The following MRE11 variants were observed in gnomAD, a reference collection of about 807,000 sequenced individuals.
MRE11 encodes MRE11 double strand break repair nuclease.
A neutral mutation model predicts 91.7 loss-of-function variants in MRE11; 62 were observed. That is an observed-to-expected ratio of 0.68 (90% CI 0.55 to 0.84). The LOEUF is 0.84. Among genes scored for constraint, MRE11 ranks in the 40% least tolerant of loss-of-function variants. The pLI, the probability that MRE11 is intolerant of heterozygous loss-of-function variation, is 0.00. For synonymous variants in MRE11, 273 were observed against 271.4 expected (o/e 1.01, Z -0.06); for missense variants, 796 against 852.9 (o/e 0.93, Z 0.83).
At chr11:94,452,836 A>T (rs1021143357) in intron 14 of MRE11, among the ~76,000 whole-genome samples, 56 of 152,320 alleles carry the variant, frequency 3.7e-4, no homozygotes, top group African/African-American at 1.2e-3. Flanking sequence ...GGTGAAATAT[A>T]CATAACATAA....
At position 94,476,312 on chromosome 11, in the gene MRE11, G is replaced by A. The variant is rs876658151; in HGVS notation, c.636C>T (p.Asn212=). ...ACCTGTTCTGATGAATCACAAATAA[G>A]TTAAACCAAGAGTTCTCATCTTCCT... ...RPKEDENSWF[N]LFVIHQNRSK... The change falls in exon 7 of 20, where the codon AAC becomes AAT. Residue 212 remains asparagine (N), a synonymous_variant. Coordinates refer to ENST00000323929, the MANE Select transcript of MRE11 (RefSeq NM_005591.4). 8 of 1,612,616 alleles carry A rather than the reference G, an allele frequency of 5.0e-6. No individual in the cohort carries two copies. Among genetic ancestry groups the A allele is most frequent in the Non-Finnish European group, 5.9e-6 (7 of 1,178,886 alleles).
At chr11:94,476,625 CA>C (rs1040064891) in intron 6 of MRE11, among the ~76,000 whole-genome samples, 20 of 151,744 alleles carry the variant, frequency 1.3e-4, no homozygotes, top group Non-Finnish European at 2.8e-4. Context: ...AGGCTGGTCT[CA>C]AACTCCTGGG....
chr11:94,452,704 T>A (rs890261028), intron 14 of MRE11, among the ~76,000 whole-genome samples: 5 of 152,210 alleles, frequency 3.3e-5, no homozygotes. Flanking sequence ...ATCTTTGGAA[T>A]GTATTACTTC....
the MRE11 span, among the ~76,000 whole-genome samples, chr11:94,505,230 G>T: frequency 4.6e-5 from 7 of 152,140 alleles, no homozygotes; most frequent in Non-Finnish European, 8.8e-5. Context: ...AAAGTGAACT[G>T]TATAACAGTT....
intron 10 of MRE11, among the ~76,000 whole-genome samples, chr11:94,466,165 C>T (rs186467960): frequency 2.0e-5 from 3 of 152,096 alleles, no homozygotes; most frequent in Non-Finnish European, 4.4e-5. Context: ...ACCCAGGGGA[C>T]GGCAGCTTTT....
chr11:94,447,217 A>C lies in MRE11; in HGVS notation c.1783+2T>G. On this transcript the variant is annotated splice_donor_variant, in intron 15 of 19. Coordinates refer to ENST00000323929, the MANE Select transcript of MRE11 (RefSeq NM_005591.4). LOFTEE classifies it high-confidence loss of function. Reference sequence around the variant, plus strand: ...GTGCACAGGACTGAACTCAGTGCTCACCTCTTCCTCTTTGAGACCCTCCTC... The same window carrying C: ...GTGCACAGGACTGAACTCAGTGCTCCCCTCTTCCTCTTTGAGACCCTCCTC... The C allele has an allele frequency of 6.2e-7, 1 of 1,611,810 alleles. No homozygotes were observed. The highest frequency in any genetic ancestry group is 8.5e-7 in the Non-Finnish European group (1 of 1,179,908).
chr11:94,438,803 T>C (rs1332124185), intron 16 of MRE11, among the ~76,000 whole-genome samples: 2 of 152,164 alleles, frequency 1.3e-5, no homozygotes, highest in African/African-American at 4.8e-5. Flanking sequence ...AAACTCAATT[T>C]CCTCGCCTGT....
chr11:94,419,010 A>T lies in MRE11; in HGVS notation c.*1115T>A, dbSNP rs1030435354. The T allele has an allele frequency of 4.3e-6, 1 of 231,504 alleles. No individual in the cohort carries two copies. Among genetic ancestry groups the T allele is most frequent in the Non-Finnish European group, 8.5e-6 (1 of 117,104 alleles). The allele number at this position is 231,504 out of a possible 1,614,324, so 14.3% of individuals were successfully genotyped here. On this transcript the variant is annotated 3_prime_UTR_variant, in exon 20 of 20. Transcript: ENST00000323929. ...GGGCCATTGTACTCCCAAGATGTAT[A>T]ACTTGAATTTTAAAGTAAAGCTGTC...
chr11:94,507,092 A>T, the MRE11 span, among the ~76,000 whole-genome samples: 2 of 152,228 alleles, frequency 1.3e-5, no homozygotes, highest in African/African-American at 4.8e-5. Flanking sequence ...ACTATCACCC[A>T]GCTCAAGATC....
intron 14 of MRE11, among the ~76,000 whole-genome samples, chr11:94,450,786 G>A (rs1946079171): frequency 6.6e-6 from 1 of 152,008 alleles, no homozygotes; most frequent in Admixed American, 6.6e-5. Context: ...AAAGCTAGGA[G>A]AAACAAAATA....
At chr11:94,479,299 A>G (rs1037979562) in intron 5 of MRE11, among the ~76,000 whole-genome samples, 4 of 152,188 alleles carry the variant, frequency 2.6e-5, no homozygotes, top group Non-Finnish European at 4.4e-5. Context: ...CAAACAGGTA[A>G]TAAGATAATC....
chr11:94,459,352 C>T, intron 13 of MRE11, 56 bp downstream of exon 13: 2 of 1,579,582 alleles, frequency 1.3e-6, no homozygotes, highest in Non-Finnish European at 1.7e-6. Flanking sequence ...AATCTCAGAG[C>T]TACTCTTAAA....
upstream of MRE11, among the ~76,000 whole-genome samples, chr11:94,495,750 T>C (rs867160113): frequency 2.0e-4 from 31 of 152,298 alleles, no homozygotes; most frequent in Admixed American, 1.2e-3. Flanking sequence ...AGGGGAATTA[T>C]GAACCTCCTG....
At chr11:94,480,637 T>C (rs1376523218) in intron 4 of MRE11, among the ~76,000 whole-genome samples, 2 of 152,252 alleles carry the variant, frequency 1.3e-5, no homozygotes, top group African/African-American at 2.4e-5. Flanking sequence ...CATGTATTTG[T>C]AATTTTGATA....
chr11:94,450,149 A>G (rs1387056978), intron 14 of MRE11, among the ~76,000 whole-genome samples: 1 of 152,240 alleles, frequency 6.6e-6, no homozygotes, highest in African/African-American at 2.4e-5. Context: ...TAATGAATCA[A>G]ATGTTAAATA....
chr11:94,498,258 G>A (rs1468415124), upstream of MRE11: 20 of 1,614,190 alleles, frequency 1.2e-5, no homozygotes, highest in Non-Finnish European at 1.7e-5. Flanking sequence ...CACAGTGCTT[G>A]TAAGTGGAAT....
rs764705257 is a variant in MRE11, at chr11:94,429,933, C to T, written c.2048G>A (p.Gly683Glu). Residue 683 changes from glycine to glutamate, a missense_variant, in exon 19 of 20, where the codon GGG becomes GAG. Transcript: ENST00000323929. The part of the protein sequence containing the change: ...KIMSQSQVSK[G>E]VDFESSEDDD... The stretch of plus-strand genomic sequence containing the variant: ...TACCTCACTTGATTCAAAATCAACC[C>T]CTTTCGATACTTGACTCTGGGACAT... 12 of 1,613,550 alleles carry T rather than the reference C, an allele frequency of 7.4e-6. No homozygotes were observed. The Admixed American group carries it at 1.8e-4, about 25-fold the overall frequency.
chr11:94,470,535 G>C lies in MRE11; in HGVS notation c.953C>G (p.Pro318Arg). The change falls in exon 9 of 20, where the codon CCA becomes CGA. Residue 318 changes from proline (P) to arginine (R), a missense_variant. Physicochemically the swap from Pro to Arg is moderately radical, Grantham distance 103 (BLOSUM62 -2). Coordinates refer to ENST00000323929, the MANE Select transcript of MRE11 (RefSeq NM_005591.4). ...FMEDIVLANH[P>R]DIFNPDNPKV... ...AGGATTATCTGGGTTAAAAATGTCT[G>C]GATGATTAGCTAGAACAATATCCTC... 6.2e-7 allele frequency: 1 copy of C among 1,613,206 alleles called. No individual in the cohort carries two copies. Among genetic ancestry groups the C allele is most frequent in the Non-Finnish European group, 8.5e-7 (1 of 1,179,362 alleles).
rs1276307506 is a variant in MRE11 at position 94,421,105 on chromosome 11, G to A, written c.2071-924C>T. 2.6e-5 allele frequency among the ~76,000 whole-genome samples: 4 copies of A among 151,774 alleles called. No homozygotes were observed. The East Asian group carries it at 7.7e-4, about 29-fold the overall frequency. ...ATGGTAAGAATAAATAGGAATATCAGATATTAACTAATAATTTAATTAAAG... is the reference window on the plus strand; with the variant it reads ...ATGGTAAGAATAAATAGGAATATCAAATATTAACTAATAATTTAATTAAAG... On this transcript the variant is annotated intron_variant, in intron 19 of 19. Transcript: ENST00000323929.
Sources: allele counts gnomAD v4.1 joint callset (sites outside exome capture counted in the v4.1 genomes callset), GRCh38; gene constraint gnomAD v4.1.1; transcripts MANE v1.5; gene names NCBI Gene and HGNC (gene_info 2026-07-23, HGNC 2026-07-21).